Variants in KIF6 observed in about 807,000 individuals in gnomAD.
The protein encoded by KIF6 is kinesin-like protein KIF6.
In KIF6, 106 loss-of-function variants were observed where a neutral mutation model predicts 112.7. The observed-to-expected ratio is 0.94, with a 90% CI of 0.80 to 1.11. The LOEUF is 1.11. Among genes scored for constraint, KIF6 ranks in the 50% least tolerant of loss-of-function variants. The pLI, the probability that KIF6 is intolerant of heterozygous loss-of-function variation, is 0.00. For missense variants in KIF6, 929 were observed against 964.0 expected, an observed-to-expected ratio of 0.96 and a Z score of 0.48; for synonymous variants, 339 against 339.9, an observed-to-expected ratio of 1.00 and a Z score of 0.03.
chr6:39,571,300 A>C (rs1780625844), intron 10 of KIF6, among the ~76,000 whole-genome samples: 1 of 151,486 alleles, frequency 6.6e-6, no homozygotes, highest in African/African-American at 2.4e-5. Flanking sequence ...CCTCATCCTC[A>C]CTCCCAAACT....
intron 3 of KIF6, chr6:39,691,319 C>G (rs973415879): frequency 6.6e-6 from 1 of 152,142 alleles, no homozygotes; most frequent in African/African-American, 2.4e-5. Flanking sequence ...TAACCTTTCT[C>G]AAAACAAGTC....
At chr6:39,617,119 G>A (rs765121645) in intron 5 of KIF6, among the ~76,000 whole-genome samples, 8 of 152,050 alleles carry the variant, frequency 5.3e-5, no homozygotes, top group Non-Finnish European at 1.2e-4. Flanking sequence ...CCTACAAAAT[G>A]TTTCTAAAAT....
intron 6 of KIF6, among the ~76,000 whole-genome samples, chr6:39,601,127 C>G (rs1782546655): frequency 6.6e-6 from 1 of 152,098 alleles, no homozygotes; most frequent in African/African-American, 2.4e-5. Flanking sequence ...TTTGACTGAT[C>G]ATTGTCATTA....
At chr6:39,672,791 T>C (rs1183838342) in intron 3 of KIF6, among the ~76,000 whole-genome samples, 2 of 152,188 alleles carry the variant, frequency 1.3e-5, no homozygotes, top group East Asian at 1.9e-4. Flanking sequence ...CCCACTCTTA[T>C]GACCTCATTT....
At chr6:39,593,528 ATTATC>A (rs1443821085) in intron 7 of KIF6, among the ~76,000 whole-genome samples, 5 of 152,004 alleles carry the variant, frequency 3.3e-5, no homozygotes, top group Non-Finnish European at 7.4e-5. Context: ...TCTCTTCTCT[ATTATC>A]TTATGTTGAA....
intron 3 of KIF6, among the ~76,000 whole-genome samples, chr6:39,660,722 T>C (rs1786091524): frequency 6.6e-6 from 1 of 152,142 alleles, no homozygotes; most frequent in South Asian, 2.1e-4. Flanking sequence ...ATAAAAAACT[T>C]TACAGCAACT....
intron 13 of KIF6, among the ~76,000 whole-genome samples, chr6:39,436,271 T>C (rs1771523333): frequency 6.6e-6 from 1 of 152,220 alleles, no homozygotes; most frequent in Non-Finnish European, 1.5e-5. Flanking sequence ...TACTGCTTTG[T>C]CAGAAGCATA....
chr6:39,342,842 C>T lies in KIF6; in HGVS notation c.2428+867G>A. 2.0e-6 allele frequency: 2 copies of T among 985,398 alleles called. No homozygotes were observed. The highest frequency in any genetic ancestry group is 2.4e-6 in the Non-Finnish European group (2 of 829,930). 61.0% of individuals were successfully genotyped at this position (985,398 alleles called of 1,614,324 possible). Reference sequence around the variant, plus strand: ...GCTCCATCCATGCACAAACCTCTTCCTGCCCAAACTGCACACGGCTGGTGG... The same window carrying T: ...GCTCCATCCATGCACAAACCTCTTCTTGCCCAAACTGCACACGGCTGGTGG... On this transcript the variant is annotated intron_variant, in intron 22 of 22. Coordinates refer to ENST00000287152, the MANE Select transcript of KIF6 (RefSeq NM_145027.6). This position sits in a 1 kb window ranked among gnomAD's most constrained non-coding sequence, Gnocchi z 4.7.
chr6:39,340,440 G>A (rs1763265413), intron 22 of KIF6, among the ~76,000 whole-genome samples: 1 of 152,160 alleles, frequency 6.6e-6, no homozygotes, highest in Non-Finnish European at 1.5e-5. Flanking sequence ...TTTCAAGACA[G>A]TGTGGCCCAG....
chr6:39,576,286 G>A (rs1170474107), intron 10 of KIF6, among the ~76,000 whole-genome samples: 4 of 151,918 alleles, frequency 2.6e-5, no homozygotes, highest in East Asian at 1.9e-4. Flanking sequence ...CACCACACCC[G>A]GCTAATTTTG....
intron 15 of KIF6, among the ~76,000 whole-genome samples, chr6:39,398,951 A>C (rs955594167): frequency 4.6e-5 from 7 of 152,210 alleles, no homozygotes; most frequent in Non-Finnish European, 7.3e-5. Flanking sequence ...ACCATCCATA[A>C]TGGGAGTGGG....
At chr6:39,385,943 A>C (rs1767378998) in intron 15 of KIF6, among the ~76,000 whole-genome samples, 1 of 152,180 alleles carries the variant, frequency 6.6e-6, no homozygotes, top group African/African-American at 2.4e-5. Context: ...TTAGCCTGTC[A>C]CCCATAACTT....
At chr6:39,487,049 C>A (rs370461736) in intron 13 of KIF6, among the ~76,000 whole-genome samples, 4 of 152,152 alleles carry the variant, frequency 2.6e-5, no homozygotes, top group South Asian at 4.2e-4. Context: ...ACAAATAATA[C>A]CACAGTGTGT....
intron 6 of KIF6, among the ~76,000 whole-genome samples, chr6:39,606,008 G>T (rs1782863562): frequency 6.6e-6 from 1 of 151,794 alleles, no homozygotes; most frequent in Non-Finnish European, 1.5e-5. Flanking sequence ...CCCTTCTTCA[G>T]GATTTCTAAC....
At chr6:39,441,145 C>T (rs1052365745) in intron 13 of KIF6, among the ~76,000 whole-genome samples, 3 of 152,150 alleles carry the variant, frequency 2.0e-5, no homozygotes, top group African/African-American at 7.2e-5. Context: ...CCCTATGTTA[C>T]CGCTTTCACT....
intron 3 of KIF6, among the ~76,000 whole-genome samples, chr6:39,649,459 G>T (rs544972526): frequency 1.4e-4 from 22 of 152,212 alleles, no homozygotes; most frequent in Admixed American, 1.2e-3. Context: ...ATACATCTGC[G>T]GGCATACTGG....
chr6:39,362,858 G>C (rs868323014), intron 16 of KIF6, among the ~76,000 whole-genome samples: 3 of 152,116 alleles, frequency 2.0e-5, no homozygotes, highest in African/African-American at 7.2e-5. Flanking sequence ...CTGATAAAGA[G>C]CCCTTCAGGG....
chr6:39,368,878 G>T (rs1363307347), intron 16 of KIF6, among the ~76,000 whole-genome samples: 1 of 152,216 alleles, frequency 6.6e-6, no homozygotes, highest in Non-Finnish European at 1.5e-5. Context: ...CACCTAACCA[G>T]TGCCCTGCGT....
At chr6:39,607,595 T>C (rs1372616817) in intron 6 of KIF6, among the ~76,000 whole-genome samples, 2 of 152,106 alleles carry the variant, frequency 1.3e-5, no homozygotes, top group Admixed American at 1.3e-4. Context: ...TATTTATTTA[T>C]TTATTTATTT....
Sources: gnomAD v4.1 joint callset for allele counts (sites outside exome capture counted in the v4.1 genomes callset) on GRCh38, gnomAD v4.1.1 for gene constraint, Gnocchi (gnomAD v3.1) non-coding constraint, MANE v1.5 for transcripts, NCBI Gene and HGNC (gene_info 2026-07-23, HGNC 2026-07-21) for gene names.